MYO5B: variants seen among roughly 807,000 people sequenced by gnomAD.
The protein encoded by MYO5B is myosin VB.
In MYO5B, 143 loss-of-function variants were observed where a neutral mutation model predicts 229.3. The ratio of observed to expected loss-of-function variants is 0.62; its 90% CI spans 0.54 to 0.72. The LOEUF is 0.72. Ranked by LOEUF, MYO5B falls within the 30% of genes least tolerant of loss-of-function variation. The probability of loss-of-function intolerance (pLI) is 0.00; values close to 1 mark genes in which losing one functional copy is unlikely to be tolerated. For synonymous variants in MYO5B, 918 were observed against 885.2 expected (o/e 1.04, Z -0.66); for missense variants, 2,321 against 2,331.0 (o/e 1.00, Z 0.09).
chr18:50,055,395 G>A lies in MYO5B; in HGVS notation c.28-17C>T, dbSNP rs2030521844. 2 of 1,597,690 alleles carry A rather than the reference G, an allele frequency of 1.3e-6. No individual in the cohort carries two copies. Among genetic ancestry groups the A allele is most frequent in the Admixed American group, 3.3e-5 (2 of 59,960 alleles). ...CCTTGTGCACTGAAAGATTAAAACA[G>A]AAGAAACTTAGATACAGAACAAAGC... On this transcript the variant is annotated splice_polypyrimidine_tract_variant and intron_variant, in intron 1 of 39. Transcript: ENST00000285039.
intron 33 of MYO5B, among the ~76,000 whole-genome samples, chr18:49,845,524 G>A (rs1483473436): frequency 2.6e-5 from 4 of 152,148 alleles, no homozygotes; most frequent in Non-Finnish European, 5.9e-5. Flanking sequence ...CCACTCCTTT[G>A]AAAGCCTCAC....
intron 1 of MYO5B, among the ~76,000 whole-genome samples, chr18:50,174,693 C>G (rs2032970901): frequency 6.6e-6 from 1 of 152,222 alleles, no homozygotes; most frequent in Admixed American, 6.5e-5. Context: ...GCCACCTCTC[C>G]TTTCCCACAT....
chr18:50,014,843 T>A (rs2026200419), intron 4 of MYO5B, among the ~76,000 whole-genome samples: 1 of 152,180 alleles, frequency 6.6e-6, no homozygotes, highest in African/African-American at 2.4e-5. Context: ...TTGCGTAAAA[T>A]GTTAAGCTGT....
Position 49,824,157 on chromosome 18 carries a change from A to G in MYO5B, c.*2314T>C, listed in dbSNP as rs543029088. On this transcript the variant is annotated 3_prime_UTR_variant, in exon 40 of 40. Transcript: ENST00000285039. ...ATGTTTGAATTGAAATGATTTTTTAAAATGCAGAGAAAATGCTAACAAAAG... is the reference window on the plus strand; with the variant it reads ...ATGTTTGAATTGAAATGATTTTTTAGAATGCAGAGAAAATGCTAACAAAAG... 13 of 152,526 alleles carry G rather than the reference A, an allele frequency of 8.5e-5. No homozygotes were observed. The South Asian group carries it at 2.7e-3, about 32-fold the overall frequency. The allele number at this position is 152,526 out of a possible 1,614,324, so 9.4% of individuals were successfully genotyped here.
intron 16 of MYO5B, among the ~76,000 whole-genome samples, chr18:49,931,762 C>G (rs2025195534): frequency 6.6e-6 from 1 of 152,196 alleles, no homozygotes; most frequent in Non-Finnish European, 1.5e-5. Context: ...TGCGGGCTCC[C>G]CTGCTCACAG....
intron 10 of MYO5B, among the ~76,000 whole-genome samples, chr18:49,973,770 C>T (rs114324408): frequency 0.016 from 2,490 of 152,274 alleles, 80 homozygotes; most frequent in African/African-American, 0.057. Context: ...CACCACACCA[C>T]GGTGGCTCTC....
chr18:49,977,701 G>C (rs2025767296), intron 9 of MYO5B, among the ~76,000 whole-genome samples: 1 of 152,200 alleles, frequency 6.6e-6, no homozygotes, highest in Non-Finnish European at 1.5e-5. Context: ...TCTAACCTCA[G>C]AGAAAGAGGT....
intron 3 of MYO5B, among the ~76,000 whole-genome samples, chr18:50,038,406 GAC>G (rs905687274): frequency 7.9e-5 from 12 of 152,172 alleles, no homozygotes; most frequent in African/African-American, 2.9e-4. Flanking sequence ...GGGTAAAAAA[GAC>G]ACTCAAGTCC....
rs141078302 is a variant in MYO5B at position 49,913,857 on chromosome 18, A to G, written c.2091-1684T>C. Among the ~76,000 whole-genome samples the G allele has an allele frequency of 4.7e-3, 718 of 152,158 alleles. 5 individuals carry two copies. The highest frequency in any genetic ancestry group is 0.016 in the African/African-American group (671 of 41,518). ...AGTGGCAGAACAGCACGACAGAAAG[A>G]GAGAAGAGAAAGAGCATCTGAACAC... On this transcript the variant is annotated intron_variant, in intron 17 of 39. Coordinates refer to ENST00000285039, the MANE Select transcript of MYO5B (RefSeq NM_001080467.3).
At chr18:50,043,513 TTATAAGTA>T (rs2030120687) in intron 2 of MYO5B, among the ~76,000 whole-genome samples, 1 of 97,518 alleles carries the variant, frequency 1.0e-5, no homozygotes, top group African/African-American at 4.2e-5. Context: ...ATAAATATAT[TTATAAGTA>T]TATAAATATA....
At chr18:50,132,041 C>T (rs2032262414) in intron 1 of MYO5B, among the ~76,000 whole-genome samples, 1 of 152,238 alleles carries the variant, frequency 6.6e-6, no homozygotes, top group Non-Finnish European at 1.5e-5. Context: ...GAAAGGGGCT[C>T]CTGCTTCCAC....
intron 8 of MYO5B, among the ~76,000 whole-genome samples, chr18:49,980,830 G>A (rs1464134677): frequency 6.6e-6 from 1 of 152,198 alleles, no homozygotes; most frequent in African/African-American, 2.4e-5. Flanking sequence ...TTCTCAAAGA[G>A]CAAAGCAGAG....
At chr18:50,132,267 G>A (rs1054177361) in intron 1 of MYO5B, among the ~76,000 whole-genome samples, 1 of 152,226 alleles carries the variant, frequency 6.6e-6, no homozygotes, top group African/African-American at 2.4e-5. Context: ...GAGGAGCAGA[G>A]CATAATGGTT....
At chr18:50,120,057 C>T (rs1449444699) in intron 1 of MYO5B, among the ~76,000 whole-genome samples, 1 of 152,240 alleles carries the variant, frequency 6.6e-6, no homozygotes, top group Admixed American at 6.5e-5. Flanking sequence ...AGAAACACCA[C>T]TGTGTTCTCC....
intron 30 of MYO5B, among the ~76,000 whole-genome samples, chr18:49,856,521 G>A (rs1479267872): frequency 1.3e-5 from 2 of 152,230 alleles, no homozygotes; most frequent in East Asian, 3.8e-4. Flanking sequence ...CTGTGTGCCT[G>A]CCGCTATGTG....
At position 50,067,348 on chromosome 18, in the gene MYO5B, G is replaced by A. The variant is rs2030845595; in HGVS notation, c.28-11970C>T. 2.6e-5 allele frequency among the ~76,000 whole-genome samples: 4 copies of A among 152,150 alleles called. No individual in the cohort carries two copies. In the South Asian group the frequency reaches 8.3e-4, roughly 32 times the overall value. On this transcript the variant is annotated intron_variant, in intron 1 of 39. Coordinates refer to ENST00000285039, the MANE Select transcript of MYO5B (RefSeq NM_001080467.3). ...CTGGACCCAAGGATTACAAGGAGAA[G>A]CCTTTGCCTGCTGCCTTCCTTCAAC... is the stretch of plus-strand genomic sequence containing the variant.
intron 27 of MYO5B, among the ~76,000 whole-genome samples, chr18:49,869,187 G>C (rs1455399267): frequency 2.0e-5 from 3 of 152,180 alleles, no homozygotes; most frequent in African/African-American, 4.8e-5. Flanking sequence ...GCACACTTCA[G>C]AGCATTCAGG....
chr18:49,928,671 C>T (rs992256858), intron 17 of MYO5B, among the ~76,000 whole-genome samples: 3 of 152,140 alleles, frequency 2.0e-5, no homozygotes, highest in Admixed American at 2.0e-4. Context: ...GACACTGGCA[C>T]AGGCATGTTA....
chr18:50,023,392 G>A (rs562237709), intron 4 of MYO5B, among the ~76,000 whole-genome samples: 1 of 152,250 alleles, frequency 6.6e-6, no homozygotes, highest in Non-Finnish European at 1.5e-5. Flanking sequence ...CCACAGTTCA[G>A]ACGGAAAGCA....
Sources: gnomAD v4.1 joint callset for allele counts (sites outside exome capture counted in the v4.1 genomes callset) on GRCh38, gnomAD v4.1.1 for gene constraint, MANE v1.5 for transcripts, NCBI Gene and HGNC (gene_info 2026-07-23, HGNC 2026-07-21) for gene names.